The following FBXO38 variants were observed in gnomAD, a reference collection of about 807,000 sequenced individuals.
FBXO38 encodes the protein F-box protein 38.
Under a neutral mutation model 131.9 loss-of-function variants are expected in FBXO38, and 53 were observed. The ratio of observed to expected loss-of-function variants is 0.40; its 90% CI spans 0.32 to 0.51. The LOEUF (loss-of-function observed/expected upper bound fraction) is 0.51, where lower values mean the gene tolerates loss of function less well. Among genes scored for constraint, FBXO38 ranks in the 20% least tolerant of loss-of-function variants. The pLI, the probability that FBXO38 is intolerant of heterozygous loss-of-function variation, is 0.53. For synonymous variants in FBXO38, 452 were observed against 505.6 expected (o/e 0.89, Z 1.42); for missense variants, 1,076 against 1,475.6 (o/e 0.73, Z 4.44).
At chr5:148,403,126 AT>A (rs1462972170) in intron 5 of FBXO38, among the ~76,000 whole-genome samples, 1 of 152,104 alleles carries the variant, frequency 6.6e-6, no homozygotes, top group Non-Finnish European at 1.5e-5. Flanking sequence ...TTGAAATTGG[AT>A]TTTTAGATGT....
At chr5:148,423,077 G>C (rs1753531972) in intron 12 of FBXO38, among the ~76,000 whole-genome samples, 1 of 152,224 alleles carries the variant, frequency 6.6e-6, no homozygotes, top group South Asian at 2.1e-4. Context: ...ACCCTTCCTT[G>C]ACCCAATGAG....
At chr5:148,399,187 A>G (rs1751999210) in intron 3 of FBXO38, 55 bp downstream of exon 3, 3 of 1,584,706 alleles carry the variant, frequency 1.9e-6, no homozygotes, top group African/African-American at 1.4e-5. Flanking sequence ...AGTAGTAACA[A>G]TGGTTTCATA....
intron 1 of FBXO38, among the ~76,000 whole-genome samples, chr5:148,393,188 G>GGTGTGTGT (rs60593654): frequency 0.069 from 8,697 of 126,952 alleles, 404 homozygotes; most frequent in African/African-American, 0.085. Flanking sequence ...ACAGAAGAGG[G>GGTGTGTGT]GTGTGTGTGT....
intron 13 of FBXO38, among the ~76,000 whole-genome samples, chr5:148,424,532 A>G (rs1274891192): frequency 1.3e-5 from 2 of 152,244 alleles, no homozygotes; most frequent in African/African-American, 2.4e-5. Flanking sequence ...TCTGTTTGCC[A>G]TTGGCTGACT....
rs752661132 is a variant in FBXO38 at position 148,425,656 on chromosome 5, C to T, written c.1873C>T (p.Arg625Cys). Residue 625 changes from arginine (R) to cysteine (C), a missense_variant, in exon 14 of 22, where the codon CGT becomes TGT. Coordinates refer to ENST00000340253, the MANE Select transcript of FBXO38 (RefSeq NM_205836.3). ...GAACGGTACTCGGCGTTACTCTGAA[C>T]GTGAAGAAAAAACTGGAGAGTCAGT... ...PKNGTRRYSE[R>C]EEKTGESVQS... The T allele has an allele frequency of 7.4e-6, 12 of 1,613,676 alleles. No individual in the cohort carries two copies. The highest frequency in any genetic ancestry group is 5.0e-5 in the Admixed American group (3 of 59,954).
At chr5:148,433,826 T>TCAAAATAGCAA (rs1754184740) in intron 17 of FBXO38, 89 bp downstream of exon 17, 5 of 659,454 alleles carry the variant, frequency 7.6e-6, no homozygotes, top group African/African-American at 7.4e-5. Context: ...CATTACTGTC[T>TCAAAATAGCAA]TATTTTCTTA....
At chr5:148,386,553 A>G (rs767080135) in intron 1 of FBXO38, among the ~76,000 whole-genome samples, 19 of 152,138 alleles carry the variant, frequency 1.2e-4, no homozygotes, top group Admixed American at 5.2e-4. Context: ...CTGTGTGATT[A>G]GGTAGTGTCT....
chr5:148,415,628 G>A (rs971873757), intron 10 of FBXO38, among the ~76,000 whole-genome samples: 1 of 151,950 alleles, frequency 6.6e-6, no homozygotes, highest in Admixed American at 6.6e-5. Context: ...AAATAAATAT[G>A]CCATAATTTT....
intron 3 of FBXO38, among the ~76,000 whole-genome samples, chr5:148,401,004 A>C (rs1194963983): frequency 1.3e-5 from 2 of 152,082 alleles, no homozygotes; most frequent in East Asian, 1.9e-4. Flanking sequence ...GTCTCTCCTT[A>C]CTCTTCACTA....
intron 12 of FBXO38, among the ~76,000 whole-genome samples, chr5:148,420,331 C>T (rs191076197): frequency 1.8e-4 from 27 of 152,082 alleles, no homozygotes; most frequent in Admixed American, 6.6e-5. Context: ...CTTACTGTGT[C>T]GCCCAGTCTG....
At chr5:148,429,944 T>G (rs911260339) in intron 15 of FBXO38, among the ~76,000 whole-genome samples, 1 of 151,956 alleles carries the variant, frequency 6.6e-6, no homozygotes, top group Non-Finnish European at 1.5e-5. Context: ...TTTTTTTCAA[T>G]TTGAGAAGAC....
At chr5:148,406,886 C>T (rs140736364) in intron 7 of FBXO38, among the ~76,000 whole-genome samples, 1 of 152,062 alleles carries the variant, frequency 6.6e-6, no homozygotes, top group Non-Finnish European at 1.5e-5. Flanking sequence ...AAAAGTTGTT[C>T]TGTGTATACT....
chr5:148,422,372 G>A (rs1454630449), intron 12 of FBXO38, among the ~76,000 whole-genome samples: 3 of 152,050 alleles, frequency 2.0e-5, no homozygotes, highest in Admixed American at 2.0e-4. Context: ...ATGTTTTCAT[G>A]GCTGGCTCCT....
intron 7 of FBXO38, among the ~76,000 whole-genome samples, chr5:148,406,808 A>G (rs558819172): frequency 6.6e-6 from 1 of 152,320 alleles, no homozygotes; most frequent in South Asian, 2.1e-4. Flanking sequence ...ACTTTATAAT[A>G]TAAAAAATAC....
intron 16 of FBXO38, 35 bp downstream of exon 16, chr5:148,433,559 T>A (rs771937724): frequency 1.3e-6 from 2 of 1,562,342 alleles, no homozygotes; most frequent in Non-Finnish European, 1.8e-6. Context: ...TTTATCACAG[T>A]CTAGCCCAGT....
chr5:148,442,502 T>G lies in FBXO38; in HGVS notation c.*355T>G, dbSNP rs1320337583. Reference sequence around the variant, plus strand: ...CATTCTTAATGATTATTGTCATCCCTTTAAATCTGTGCCTTTTTCTTCTTG... The same window carrying G: ...CATTCTTAATGATTATTGTCATCCCGTTAAATCTGTGCCTTTTTCTTCTTG... On this transcript the variant is annotated 3_prime_UTR_variant, in exon 22 of 22. Transcript: ENST00000340253. 6.2e-6 allele frequency: 1 copy of G among 162,444 alleles called. No individual in the cohort carries two copies. The highest frequency in any genetic ancestry group is 2.4e-5 in the African/African-American group (1 of 41,752). 10.1% of individuals were successfully genotyped at this position (162,444 alleles called of 1,614,324 possible).
rs1458493134 is a variant in FBXO38, at chr5:148,439,781, A to G, written c.3159A>G (p.Ala1053=). The G allele has an allele frequency of 6.2e-7, 1 of 1,613,994 alleles. No individual in the cohort carries two copies. The highest frequency in any genetic ancestry group is 1.7e-5 in the Admixed American group (1 of 60,022). The part of the protein sequence containing the change: ...VRIRSWMDTI[A]NINQELIKYE... ...TTCGCAGCTGGATGGACACTATAGCAAACATCAATCAGTAAGTAACTTTGT... is the reference window on the plus strand; with the variant it reads ...TTCGCAGCTGGATGGACACTATAGCGAACATCAATCAGTAAGTAACTTTGT... Residue 1053 remains alanine (A), a synonymous_variant, in exon 19 of 22, where the codon GCA becomes GCG. Coordinates refer to ENST00000340253, the MANE Select transcript of FBXO38 (RefSeq NM_205836.3).
intron 15 of FBXO38, among the ~76,000 whole-genome samples, 181 bp downstream of exon 15, chr5:148,428,128 A>G (rs1039039486): frequency 1.3e-5 from 2 of 152,236 alleles, no homozygotes; most frequent in Non-Finnish European, 2.9e-5. Context: ...TGTGTAAAAC[A>G]GTTTATAAAA....
At chr5:148,407,218 G>A (rs550320178) in intron 7 of FBXO38, among the ~76,000 whole-genome samples, 72 of 152,242 alleles carry the variant, frequency 4.7e-4, no homozygotes, top group African/African-American at 4.3e-4. Context: ...GATTGATGGC[G>A]ATAGTTAACA....
Sources: allele counts gnomAD v4.1 joint callset (sites outside exome capture counted in the v4.1 genomes callset), GRCh38; gene constraint gnomAD v4.1.1; transcripts MANE v1.5; gene names NCBI Gene and HGNC (gene_info 2026-07-23, HGNC 2026-07-21).